The following LSAMP variants were observed in gnomAD, a reference collection of about 807,000 sequenced individuals.
The protein encoded by LSAMP is limbic system-associated membrane protein.
In LSAMP, 7 loss-of-function variants were observed where a neutral mutation model predicts 38.6. That is an observed-to-expected ratio of 0.18 (90% confidence interval 0.10 to 0.34). The LOEUF (loss-of-function observed/expected upper bound fraction) is 0.34, where lower values mean the gene tolerates loss of function less well. Ranked by LOEUF, LSAMP falls within the 10% of genes least tolerant of loss-of-function variation. The probability of loss-of-function intolerance (pLI) is 1.00; values close to 1 mark genes in which losing one functional copy is unlikely to be tolerated. For missense variants in LSAMP, 313 were observed against 420.0 expected, an observed-to-expected ratio of 0.75 and a Z score of 2.23; for synonymous variants, 154 against 166.8, an observed-to-expected ratio of 0.92 and a Z score of 0.59.
In LSAMP at chr3:116,312,694, G is replaced by A. The variant is rs140558169; in HGVS notation, c.155+132183C>T. Among the ~76,000 whole-genome samples, 96 of 152,202 alleles carry A rather than the reference G, an allele frequency of 6.3e-4. 1 individual carries two copies. In the East Asian group the frequency reaches 0.014, roughly 22 times the overall value. On this transcript the variant is annotated intron_variant, in intron 1 of 6. Coordinates refer to ENST00000490035, the MANE Select transcript of LSAMP (RefSeq NM_002338.5). ...TGCAGGTCACTAGCCTCATACCCAC[G>A]CTATGGGATGTCTCTCAGGAAACTA...
chr3:115,998,496 T>C (rs1320382441), intron 3 of LSAMP, among the ~76,000 whole-genome samples: 1 of 152,056 alleles, frequency 6.6e-6, no homozygotes, highest in Non-Finnish European at 1.5e-5. Context: ...GATGGGACTT[T>C]CAGTGGTCAC....
In LSAMP at chr3:116,196,773, C is replaced by T. The variant is rs140776257; in HGVS notation, c.156-110217G>A. 1.3e-3 allele frequency among the ~76,000 whole-genome samples: 198 copies of T among 152,146 alleles called. 1 individual carries two copies. Among genetic ancestry groups the T allele is most frequent in the Admixed American group, 0.01 (156 of 15,286 alleles). The stretch of plus-strand genomic sequence containing the variant: ...TGAAGTGTATCAGTCTCACTTTGCT[C>T]CCCATTATTTCATTCATTGTACTTT... On this transcript the variant is annotated intron_variant, in intron 1 of 6. Coordinates refer to ENST00000490035, the MANE Select transcript of LSAMP (RefSeq NM_002338.5).
intron 1 of LSAMP, among the ~76,000 whole-genome samples, chr3:116,229,628 TC>T (rs1374345838): frequency 6.6e-6 from 1 of 152,094 alleles, no homozygotes; most frequent in Non-Finnish European, 1.5e-5. Context: ...ATATACACTT[TC>T]AAAAATAAAA....
At chr3:115,978,164 G>A (rs934547520) in intron 3 of LSAMP, among the ~76,000 whole-genome samples, 13 of 151,782 alleles carry the variant, frequency 8.6e-5, no homozygotes, top group South Asian at 6.2e-4. Flanking sequence ...CACGCCCAGC[G>A]ACTTCTTTCT....
At chr3:116,120,207 G>A (rs1708843980) in intron 1 of LSAMP, among the ~76,000 whole-genome samples, 2 of 152,064 alleles carry the variant, frequency 1.3e-5, no homozygotes, top group African/African-American at 2.4e-5. Context: ...AGAAGTAAAA[G>A]GTATCTTGAT....
chr3:116,419,247 A>G (rs2049091708), intron 1 of LSAMP, among the ~76,000 whole-genome samples: 1 of 152,132 alleles, frequency 6.6e-6, no homozygotes, highest in Non-Finnish European at 1.5e-5. Context: ...TACACAATTA[A>G]TCTCATCCTC....
intron 2 of LSAMP, among the ~76,000 whole-genome samples, chr3:116,043,288 G>T (rs1268550307): frequency 6.6e-6 from 1 of 152,034 alleles, no homozygotes; most frequent in Non-Finnish European, 1.5e-5. Flanking sequence ...TGCAGACAAG[G>T]GTCTAAGACA....
At chr3:116,087,399 G>T (rs1034161189) in intron 1 of LSAMP, among the ~76,000 whole-genome samples, 1 of 152,190 alleles carries the variant, frequency 6.6e-6, no homozygotes, top group Non-Finnish European at 1.5e-5. Context: ...ATTAGTGAAG[G>T]AGGGGTAAAT....
At chr3:116,425,960 G>T (rs529192659) in intron 1 of LSAMP, among the ~76,000 whole-genome samples, 1 of 152,092 alleles carries the variant, frequency 6.6e-6, no homozygotes, top group East Asian at 1.9e-4. Context: ...GTGAGTATGA[G>T]AGAGAGATAC....
At chr3:116,001,173 C>A (rs192329411) in intron 3 of LSAMP, among the ~76,000 whole-genome samples, 89 of 151,352 alleles carry the variant, frequency 5.9e-4, no homozygotes, top group Non-Finnish European at 1.2e-3. Flanking sequence ...CTTTGTGGAT[C>A]ATACAAAAAA....
chr3:115,832,547 G>A (rs1409103195), intron 6 of LSAMP, among the ~76,000 whole-genome samples: 1 of 152,132 alleles, frequency 6.6e-6, no homozygotes, highest in African/African-American at 2.4e-5. Flanking sequence ...CTTTCAATGG[G>A]AAGCTGCATT....
chr3:116,045,634 G>A (rs1446595290), intron 2 of LSAMP, among the ~76,000 whole-genome samples: 1 of 151,036 alleles, frequency 6.6e-6, no homozygotes, highest in Non-Finnish European at 1.5e-5. Flanking sequence ...AACAAGCCCT[G>A]TTTTATAAAA....
chr3:115,946,304 A>G (rs1440679423), intron 3 of LSAMP, among the ~76,000 whole-genome samples: 1 of 152,166 alleles, frequency 6.6e-6, no homozygotes, highest in African/African-American at 2.4e-5. Context: ...GTCAAAGAAT[A>G]AAAACTTTCT....
At chr3:116,378,283 G>A (rs1171607713) in intron 1 of LSAMP, among the ~76,000 whole-genome samples, 1 of 151,836 alleles carries the variant, frequency 6.6e-6, no homozygotes, top group Admixed American at 6.6e-5. Context: ...TTTTTCAAGG[G>A]ATCATCTCAG....
chr3:116,083,147 G>A lies in LSAMP; in HGVS notation c.388+3177C>T, dbSNP rs146468940. ...AAAATAAAAACGGAAGGAGCCTACT[G>A]CAAAGATAATAGGCAACGAGTGAAA... is the stretch of plus-strand genomic sequence containing the variant. On this transcript the variant is annotated intron_variant, in intron 2 of 6. Transcript: ENST00000490035. Among the ~76,000 whole-genome samples the A allele has an allele frequency of 9.5e-4, 145 of 152,294 alleles. 1 individual carries two copies. Among genetic ancestry groups the A allele is most frequent in the African/African-American group, 3.3e-3 (138 of 41,558 alleles).
intron 1 of LSAMP, among the ~76,000 whole-genome samples, chr3:116,391,573 C>A (rs1227602275): frequency 2.0e-5 from 3 of 148,628 alleles, no homozygotes; most frequent in African/African-American, 4.9e-5. Flanking sequence ...TATGACTGGG[C>A]AGGAAGCAGG....
chr3:115,961,443 A>G (rs889252032), intron 3 of LSAMP, among the ~76,000 whole-genome samples: 3 of 152,230 alleles, frequency 2.0e-5, no homozygotes, highest in Non-Finnish European at 2.9e-5. Flanking sequence ...GAAGAAAAGC[A>G]TAAGTTTTTG....
At position 115,915,570 on chromosome 3, in the gene LSAMP, T is replaced by C. The variant is rs146291432; in HGVS notation, c.515-62953A>G. On this transcript the variant is annotated intron_variant, in intron 3 of 6. Transcript: ENST00000490035. Reference sequence around the variant, plus strand: ...TTCCCATCGGTGTACATAAAGCTCCTGAGTTCACTTGCTGCAGCCTTTTAA... The same window carrying C: ...TTCCCATCGGTGTACATAAAGCTCCCGAGTTCACTTGCTGCAGCCTTTTAA... 1.6e-3 allele frequency among the ~76,000 whole-genome samples: 244 copies of C among 152,292 alleles called. 2 individuals are homozygous for C. In the East Asian group the frequency reaches 0.04, roughly 25 times the overall value.
chr3:116,128,240 T>C (rs1356678761), intron 1 of LSAMP, among the ~76,000 whole-genome samples: 4 of 152,232 alleles, frequency 2.6e-5, no homozygotes, highest in Non-Finnish European at 5.9e-5. Context: ...TGAACAACTA[T>C]GATGCTCAAA....
Sources: allele counts gnomAD v4.1 joint callset (sites outside exome capture counted in the v4.1 genomes callset), GRCh38; gene constraint gnomAD v4.1.1; transcripts MANE v1.5; gene names NCBI Gene and HGNC (gene_info 2026-07-23, HGNC 2026-07-21).